SLC9A2: variants seen among roughly 807,000 people sequenced by gnomAD.
SLC9A2 encodes the protein solute carrier family 9 member A2.
In SLC9A2, 42 loss-of-function variants were observed where a neutral mutation model predicts 71.7. That is an observed-to-expected ratio of 0.59 (90% CI 0.46 to 0.76). SLC9A2 has a LOEUF of 0.76. Among genes scored for constraint, SLC9A2 ranks in the 30% least tolerant of loss-of-function variants. SLC9A2 has a pLI of 0.00. For synonymous variants in SLC9A2, 396 were observed against 392.5 expected, an observed-to-expected ratio of 1.01 and a Z score of -0.10; for missense variants, 829 against 1,017.4, an observed-to-expected ratio of 0.81 and a Z score of 2.52.
At position 102,665,038 on chromosome 2, in the gene SLC9A2, C is replaced by T. The variant is rs992059946; in HGVS notation, c.754-62C>T. On this transcript the variant is annotated intron_variant, in intron 2 of 11. Transcript: ENST00000233969. ...AGAAGTCCAGGTAGATGTGTTTGTG[C>T]CCAGAGTGACAATGGGGAAATGGGA... The T allele has an allele frequency of 2.6e-5, 40 of 1,547,916 alleles. No homozygotes were observed. In the African/African-American group the frequency reaches 5.4e-4, roughly 21 times the overall value.
chr2:102,657,854 A>T lies in SLC9A2; in HGVS notation c.580A>T (p.Ile194Phe). The T allele has an allele frequency of 6.2e-7, 1 of 1,614,218 alleles. No individual in the cohort carries two copies. The stretch of plus-strand genomic sequence containing the variant: ...GGTGTCTTTGTTTGGTATCTGCCAG[A>T]TCGAAGCATTCGGCCTCAGCGACAT... Reference protein sequence around the residue: ...IGVSLFGICQIEAFGLSDITL... With the variant: ...IGVSLFGICQFEAFGLSDITL... Residue 194 changes from isoleucine (I) to phenylalanine (F), a missense_variant, in exon 2 of 12, where the codon ATC (isoleucine) becomes TTC (phenylalanine). Physicochemically the swap from Ile to Phe is conservative, Grantham distance 21 (BLOSUM62 0). Coordinates refer to ENST00000233969, the MANE Select transcript of SLC9A2 (RefSeq NM_003048.6).
intron 1 of SLC9A2, 97 bp from the exon 2 acceptor site, chr2:102,657,467 G>C (rs1030790610): frequency 2.7e-6 from 2 of 742,376 alleles, no homozygotes; most frequent in Non-Finnish European, 4.4e-6. Flanking sequence ...GGGAGATGGT[G>C]AAACAGGACC....
At chr2:102,686,695 A>G (rs1677552956) in intron 5 of SLC9A2, 1 of 152,310 alleles carries the variant, frequency 6.6e-6, no homozygotes, top group Non-Finnish European at 1.5e-5. Context: ...GAGCCAAAGC[A>G]GGGCAGAGGA....
intron 1 of SLC9A2, among the ~76,000 whole-genome samples, chr2:102,630,026 C>T (rs1374689864): frequency 6.6e-6 from 1 of 152,026 alleles, no homozygotes; most frequent in Admixed American, 6.6e-5. Context: ...TTATCATCTT[C>T]TTCCTAATAC....
intron 1 of SLC9A2, among the ~76,000 whole-genome samples, chr2:102,620,608 G>A (rs753361775): frequency 8.5e-5 from 13 of 152,206 alleles, no homozygotes; most frequent in Non-Finnish European, 1.6e-4. Flanking sequence ...CATGGAAGGG[G>A]ACCAGGGACA....
At chr2:102,641,809 A>C (rs1307053050) in intron 1 of SLC9A2, among the ~76,000 whole-genome samples, 1 of 151,332 alleles carries the variant, frequency 6.6e-6, no homozygotes, top group African/African-American at 2.4e-5. Flanking sequence ...CAGAAAACCA[A>C]ACACTGCATG....
At chr2:102,631,801 C>T (rs892601136) in intron 1 of SLC9A2, among the ~76,000 whole-genome samples, 4 of 150,898 alleles carry the variant, frequency 2.7e-5, no homozygotes, top group East Asian at 1.9e-4. Context: ...TTTTATTTTG[C>T]GTATTTTCAT....
In SLC9A2 at chr2:102,651,185, C is replaced by T. The variant is rs552152892; in HGVS notation, c.290-6379C>T. ...TAATGGTTGGAAGCCACTCTCAGCCCTCTCCTGGATTGCTGAAAAAGACTC... is the reference window on the plus strand; with the variant it reads ...TAATGGTTGGAAGCCACTCTCAGCCTTCTCCTGGATTGCTGAAAAAGACTC... On this transcript the variant is annotated intron_variant, in intron 1 of 11. Coordinates refer to ENST00000233969, the MANE Select transcript of SLC9A2 (RefSeq NM_003048.6). Among the ~76,000 whole-genome samples the T allele has an allele frequency of 1.2e-4, 18 of 152,272 alleles. No individual in the cohort carries two copies. In the East Asian group the frequency reaches 3.1e-3, roughly 26 times the overall value.
intron 2 of SLC9A2, among the ~76,000 whole-genome samples, chr2:102,663,229 T>C (rs1465563964): frequency 6.6e-6 from 1 of 152,120 alleles, no homozygotes; most frequent in Admixed American, 6.6e-5. Flanking sequence ...AATGAGTCTC[T>C]TTTGTTCTTC....
At chr2:102,635,519 C>G (rs1213644679) in intron 1 of SLC9A2, among the ~76,000 whole-genome samples, 2 of 152,200 alleles carry the variant, frequency 1.3e-5, no homozygotes, top group East Asian at 3.8e-4. Flanking sequence ...TCTGAGCTGT[C>G]TATCACTCTC....
At chr2:102,624,736 A>G (rs992811345) in intron 1 of SLC9A2, among the ~76,000 whole-genome samples, 1 of 152,152 alleles carries the variant, frequency 6.6e-6, no homozygotes, top group Non-Finnish European at 1.5e-5. Context: ...TTGGAGTAAG[A>G]TGCAGAATTT....
At chr2:102,685,251 G>A (rs1368870654) in intron 5 of SLC9A2, among the ~76,000 whole-genome samples, 2 of 152,222 alleles carry the variant, frequency 1.3e-5, no homozygotes, top group Non-Finnish European at 2.9e-5. Context: ...CTTGGCCAGT[G>A]TGGCTGGAGT....
intron 3 of SLC9A2, among the ~76,000 whole-genome samples, chr2:102,673,937 G>A (rs531408341): frequency 2.6e-4 from 39 of 151,938 alleles, no homozygotes; most frequent in African/African-American, 7.7e-4. Flanking sequence ...ACAGGTGCCC[G>A]CCACCACGCC....
intron 1 of SLC9A2, among the ~76,000 whole-genome samples, chr2:102,631,689 T>C (rs1277231299): frequency 6.6e-6 from 1 of 152,004 alleles, no homozygotes; most frequent in African/African-American, 2.4e-5. Context: ...ATTCTCATGG[T>C]TATGTTATCA....
intron 1 of SLC9A2, among the ~76,000 whole-genome samples, chr2:102,624,491 C>T (rs1676206639): frequency 6.6e-6 from 1 of 152,086 alleles, no homozygotes; most frequent in Admixed American, 6.5e-5. Flanking sequence ...TGTGAAGTGG[C>T]CTACTGGGGT....
chr2:102,689,116 T>C (rs564216388), intron 5 of SLC9A2, among the ~76,000 whole-genome samples: 7 of 152,306 alleles, frequency 4.6e-5, no homozygotes, highest in Admixed American at 4.6e-4. Context: ...GACTTTATTG[T>C]CCATGACAAG....
At chr2:102,666,086 C>A (rs1253439925) in intron 3 of SLC9A2, among the ~76,000 whole-genome samples, 1 of 151,810 alleles carries the variant, frequency 6.6e-6, no homozygotes, top group African/African-American at 2.4e-5. Context: ...ATTGGCATAA[C>A]CTTAGTCATA....
intron 1 of SLC9A2, among the ~76,000 whole-genome samples, chr2:102,655,341 A>T (rs1177414109): frequency 6.6e-6 from 1 of 151,564 alleles, no homozygotes; most frequent in Non-Finnish European, 1.5e-5. Flanking sequence ...TTTACTAGAG[A>T]TGGGATTTCA....
chr2:102,625,480 C>T (rs1467360329), intron 1 of SLC9A2, among the ~76,000 whole-genome samples: 2 of 141,598 alleles, frequency 1.4e-5, no homozygotes, highest in South Asian at 2.4e-4. Context: ...CTCCCCCCAC[C>T]GCACAACAGG....
Sources: allele counts gnomAD v4.1 joint callset (sites outside exome capture counted in the v4.1 genomes callset), GRCh38; gene constraint gnomAD v4.1.1; transcripts MANE v1.5; gene names NCBI Gene and HGNC (gene_info 2026-07-23, HGNC 2026-07-21).